Variants in PTPRS observed in about 807,000 individuals in gnomAD.
PTPRS encodes the protein protein tyrosine phosphatase receptor type S, also known as receptor-type tyrosine-protein phosphatase S.
A neutral mutation model predicts 215.3 loss-of-function variants in PTPRS; 63 were observed. The observed-to-expected ratio is 0.29, with a 90% CI of 0.24 to 0.36. PTPRS has a LOEUF of 0.36. PTPRS is among the 10% of genes least tolerant of loss of function. The probability of loss-of-function intolerance (pLI) is 1.00; values close to 1 mark genes in which losing one functional copy is unlikely to be tolerated. For missense variants in PTPRS, 2,258 were observed against 2,825.8 expected, an observed-to-expected ratio of 0.80 and a Z score of 4.56; for synonymous variants, 1,404 against 1,191.4, an observed-to-expected ratio of 1.18 and a Z score of -3.68.
chr19:5,214,343 C>T lies in PTPRS; in HGVS notation c.4614+18G>A, dbSNP rs188750489. The T allele has an allele frequency of 3.0e-4, 480 of 1,613,926 alleles. 2 individuals carry two copies. The East Asian group carries it at 9.8e-3, about 33-fold the overall frequency. On this transcript the variant is annotated intron_variant, in intron 30 of 37. Transcript: ENST00000262963. ...ACATTCCTCCACCCTCAGCCCCCAG[C>T]CCCAGCCTGGGCCCCACCTTGTGCA...
At chr19:5,222,539 G>A (rs908121275) in intron 18 of PTPRS, 150 bp downstream of exon 18, 138 of 932,632 alleles carry the variant, frequency 1.5e-4, no homozygotes, top group Middle Eastern at 3.5e-4. Context: ...CTTTGCCAAC[G>A]CCGGAGCCTC....
chr19:5,308,600 C>A lies in PTPRS; in HGVS notation c.-94-22366G>T, dbSNP rs534018057. ...CGCAGTCACAGGGGCAGACTCCATG[C>A]GGCAGAGGTGGCTGCCAGCCCCTCG... On this transcript the variant is annotated intron_variant, in intron 1 of 37. Transcript: ENST00000262963. Among the ~76,000 whole-genome samples, 218 of 152,304 alleles carry A rather than the reference C, an allele frequency of 1.4e-3. 1 individual carries two copies. Among genetic ancestry groups the A allele is most frequent in the African/African-American group, 4.4e-3 (184 of 41,564 alleles).
At chr19:5,319,297 G>C (rs939014132) in intron 1 of PTPRS, among the ~76,000 whole-genome samples, 11 of 152,072 alleles carry the variant, frequency 7.2e-5, no homozygotes, top group African/African-American at 2.7e-4. Context: ...TGTAGTTCCA[G>C]CTACTTGGGA....
intron 2 of PTPRS, among the ~76,000 whole-genome samples, chr19:5,281,847 C>T (rs1371157463): frequency 6.6e-6 from 1 of 152,178 alleles, no homozygotes; most frequent in Non-Finnish European, 1.5e-5. Flanking sequence ...TCCAATCCAG[C>T]AAGCAAGACC....
At chr19:5,239,290 G>A (rs1485172582) in intron 12 of PTPRS, among the ~76,000 whole-genome samples, 4 of 151,842 alleles carry the variant, frequency 2.6e-5, no homozygotes, top group Non-Finnish European at 5.9e-5. Flanking sequence ...GACAGAAAAA[G>A]AGGGTACGGA....
At chr19:5,335,517 C>A (rs997935148) in intron 1 of PTPRS, among the ~76,000 whole-genome samples, 1 of 152,048 alleles carries the variant, frequency 6.6e-6, no homozygotes, top group East Asian at 1.9e-4. Flanking sequence ...GGAAGGAAGG[C>A]AGGCAGGCAG....
At chr19:5,273,968 G>A (rs957275013) in intron 3 of PTPRS, among the ~76,000 whole-genome samples, 19 of 152,208 alleles carry the variant, frequency 1.2e-4, no homozygotes, top group African/African-American at 4.6e-4. Context: ...ACACTGCACT[G>A]TGAAGAAGAC....
At position 5,222,992 on chromosome 19, in the gene PTPRS, T is replaced by A; in HGVS notation, c.2800A>T (p.Ile934Phe). 2 of 1,541,614 alleles carry A rather than the reference T, an allele frequency of 1.3e-6. No individual in the cohort carries two copies. Among genetic ancestry groups the A allele is most frequent in the Non-Finnish European group, 1.7e-6 (2 of 1,146,908 alleles). The stretch of plus-strand genomic sequence containing the variant: ...GAGGCGTTGCCGGCCGCCTCCAGAA[T>A]CTGCGGGTGGCCACGGGGCGTGTCC... The part of the protein sequence containing the change: ...PEDTPRGHPQ[I>F]LEAAGNASAG... Residue 934 changes from isoleucine to phenylalanine, a missense_variant, in exon 18 of 38, where the codon ATT becomes TTT. Transcript: ENST00000262963.
chr19:5,263,797 T>C (rs1333839596), intron 5 of PTPRS, among the ~76,000 whole-genome samples: 1 of 152,148 alleles, frequency 6.6e-6, no homozygotes, highest in Non-Finnish European at 1.5e-5. Flanking sequence ...GTGACTGCAA[T>C]GTGGGTGCAC....
rs79730296 is a variant in PTPRS at position 5,223,392 on chromosome 19, A to G, written c.2495-95T>C. 6.4e-3 allele frequency: 8,378 copies of G among 1,306,798 alleles called. 453 individuals are homozygous for G. In the African/African-American group the frequency reaches 0.12, roughly 18 times the overall value. The allele number at this position is 1,306,798 out of a possible 1,614,324, so 81.0% of individuals were successfully genotyped here. On this transcript the variant is annotated intron_variant, in intron 17 of 37. Transcript: ENST00000262963. ...GTATTTTTAATTCTTTTCCTTCAAT[A>G]TAACATTTTTTTGAGTTGGGGGGGG...
chr19:5,231,599 A>AG lies in PTPRS; in HGVS notation c.1865dup (p.Gln623SerfsTer4). On this transcript the variant is annotated frameshift_variant, in exon 14 of 38. Coordinates refer to ENST00000262963, the MANE Select transcript of PTPRS (RefSeq NM_002850.4). LOFTEE classifies it high-confidence loss of function. ...GCACGCTGACACATTTAACGTCTTG[A>AG]GGGGGGGCTGACGGTTCTATTGGAG... 7 of 1,467,112 alleles carry AG rather than the reference A, an allele frequency of 4.8e-6. No individual in the cohort carries two copies. Among genetic ancestry groups the AG allele is most frequent in the Non-Finnish European group, 6.3e-6 (7 of 1,108,152 alleles). The allele number at this position is 1,467,112 out of a possible 1,614,324, so 90.9% of individuals were successfully genotyped here. A position where few individuals can be genotyped will look rare whatever the true frequency, so the allele number is the denominator to read the frequency against.
intron 17 of PTPRS, among the ~76,000 whole-genome samples, chr19:5,224,168 G>T (rs1385318594): frequency 1.0e-5 from 1 of 97,852 alleles, no homozygotes; most frequent in Non-Finnish European, 2.0e-5. Flanking sequence ...AACAGAGCAA[G>T]ACTCCGTCTT....
chr19:5,228,267 C>G (rs796883445), intron 16 of PTPRS, among the ~76,000 whole-genome samples: 1 of 141,798 alleles, frequency 7.1e-6, no homozygotes, highest in Non-Finnish European at 1.5e-5. Flanking sequence ...ATTGTTTGAA[C>G]CCAGGAGGTG....
intron 2 of PTPRS, among the ~76,000 whole-genome samples, chr19:5,283,205 C>T (rs1027938913): frequency 6.6e-6 from 1 of 152,002 alleles, no homozygotes; most frequent in African/African-American, 2.4e-5. Flanking sequence ...CCTGGGAAGG[C>T]CCCACTGGAC....
At chr19:5,250,677 G>A (rs1467269167) in intron 9 of PTPRS, among the ~76,000 whole-genome samples, 1 of 148,354 alleles carries the variant, frequency 6.7e-6, no homozygotes, top group Non-Finnish European at 1.5e-5. Flanking sequence ...GGGGGTGGCA[G>A]GTTGTGGGGG....
rs1305748948 is a variant in PTPRS, at chr19:5,263,840, C to T, written c.569-868G>A. Among the ~76,000 whole-genome samples, 5 of 152,170 alleles carry T rather than the reference C, an allele frequency of 3.3e-5. No homozygotes were observed. The East Asian group carries it at 7.7e-4, about 23-fold the overall frequency. On this transcript the variant is annotated intron_variant, in intron 5 of 37. Coordinates refer to ENST00000262963, the MANE Select transcript of PTPRS (RefSeq NM_002850.4). ...CGAGATGCAGGCGGACACTTTGCTCCGGGCGGGGGAAGGGAGGCCCGTGTG... is the reference window on the plus strand; with the variant it reads ...CGAGATGCAGGCGGACACTTTGCTCTGGGCGGGGGAAGGGAGGCCCGTGTG...
intron 1 of PTPRS, among the ~76,000 whole-genome samples, chr19:5,309,387 T>C (rs2049617857): frequency 6.6e-6 from 1 of 152,202 alleles, no homozygotes; most frequent in African/African-American, 2.4e-5. Flanking sequence ...ACTCTCTAAG[T>C]GCTTGACGCA....
At position 5,212,231 on chromosome 19, in the gene PTPRS, C is replaced by T; in HGVS notation, c.4789G>A (p.Gly1597Ser). The T allele has an allele frequency of 6.2e-7, 1 of 1,611,288 alleles. No homozygotes were observed. The highest frequency in any genetic ancestry group is 8.5e-7 in the Non-Finnish European group (1 of 1,178,152). Residue 1597 changes from glycine (G) to serine (S), a missense_variant, in exon 32 of 38, where the codon GGC becomes AGC. Gly to Ser is a moderately conservative substitution (Grantham distance 56). Coordinates refer to ENST00000262963, the MANE Select transcript of PTPRS (RefSeq NM_002850.4). The part of the protein sequence containing the change: ...VHCSAGVGRT[G>S]CFIVIDAMLE... Reference sequence around the variant, plus strand: ...ATGGCGTCGATGACGATAAAGCAGCCTGTGCGGCCCACACCGGCACTGCAG... The same window carrying T: ...ATGGCGTCGATGACGATAAAGCAGCTTGTGCGGCCCACACCGGCACTGCAG...
In PTPRS at chr19:5,293,266, T is replaced by C. The variant is rs75619911; in HGVS notation, c.-94-7032A>G. 0.17 allele frequency: 17,783 copies of C among 106,904 alleles called. 1,389 individuals are homozygous for C. Among genetic ancestry groups the C allele is most frequent in the Non-Finnish European group, 0.23 (12,195 of 53,076 alleles). 6.6% of individuals were successfully genotyped at this position (106,904 alleles called of 1,614,324 possible). ...CGAAGACTCGGGAGAGGCCTCGGCC[T>C]GGGGAGCTCGGCCTGGGGGCGGGGC... On this transcript the variant is annotated intron_variant, in intron 1 of 37. Coordinates refer to ENST00000262963, the MANE Select transcript of PTPRS (RefSeq NM_002850.4). This position sits in a 1 kb window ranked among gnomAD's most constrained non-coding sequence, Gnocchi z 8.4.
Sources: gnomAD v4.1 joint callset for allele counts (sites outside exome capture counted in the v4.1 genomes callset) on GRCh38, gnomAD v4.1.1 for gene constraint, Gnocchi (gnomAD v3.1) non-coding constraint, MANE v1.5 for transcripts, NCBI Gene and HGNC (gene_info 2026-07-23, HGNC 2026-07-21) for gene names.